RBM27: variants seen among roughly 807,000 people sequenced by gnomAD.
RBM27 encodes the protein RNA binding motif protein 27, also known as RNA-binding protein 27.
RBM27 carries 22 observed loss-of-function variants against 135.3 expected under a neutral mutation model. The observed-to-expected ratio is 0.16, with a 90% CI of 0.12 to 0.23. The LOEUF is 0.23. Among genes scored for constraint, RBM27 ranks in the 10% least tolerant of loss-of-function variants. The pLI, the probability that RBM27 is intolerant of heterozygous loss-of-function variation, is 1.00. For synonymous variants in RBM27, 481 were observed against 442.4 expected, an observed-to-expected ratio of 1.09 and a Z score of -1.10; for missense variants, 1,009 against 1,281.0, an observed-to-expected ratio of 0.79 and a Z score of 3.24.
chr5:146,225,087 T>C (rs903829683), intron 3 of RBM27, among the ~76,000 whole-genome samples: 1 of 152,198 alleles, frequency 6.6e-6, no homozygotes, highest in African/African-American at 2.4e-5. Flanking sequence ...GTTTTATCAA[T>C]TGATCAAGCA....
At position 146,233,614 on chromosome 5, in the gene RBM27, C is replaced by G. The variant is rs1182986450; in HGVS notation, c.1015C>G (p.Pro339Ala). 1.9e-6 allele frequency: 3 copies of G among 1,603,664 alleles called. No homozygotes were observed. The highest frequency in any genetic ancestry group is 1.7e-6 in the Non-Finnish European group (2 of 1,173,560). ...AATGTTAATGCCTCCAATGCCAGGT[C>G]CAGGCCCAGGCCCGGGCCCAGGTCC... Reference protein sequence around the residue: ...PGMLMPPMPGPGPGPGPGPGP... With the variant: ...PGMLMPPMPGAGPGPGPGPGP... Residue 339 changes from proline (P) to alanine (A), a missense_variant, in exon 7 of 21, where the codon CCA becomes GCA. Transcript: ENST00000265271.
intron 1 of RBM27, among the ~76,000 whole-genome samples, chr5:146,213,963 G>A (rs890931251): frequency 1.3e-5 from 2 of 152,166 alleles, no homozygotes; most frequent in Non-Finnish European, 2.9e-5. Context: ...GTTACATTAA[G>A]CTTTAGGAAA....
intron 15 of RBM27, among the ~76,000 whole-genome samples, chr5:146,268,559 C>G (rs1487495828): frequency 2.0e-5 from 3 of 152,008 alleles, no homozygotes; most frequent in Admixed American, 2.0e-4. Flanking sequence ...TCATTTCTAA[C>G]CTATAGCTGC....
At position 146,255,106 on chromosome 5, in the gene RBM27, G is replaced by C. The variant is rs1306249253; in HGVS notation, c.1594+14G>C. The C allele has an allele frequency of 1.9e-6, 3 of 1,603,486 alleles. No homozygotes were observed. In the Admixed American group the frequency reaches 5.1e-5, roughly 27 times the overall value. On this transcript the variant is annotated intron_variant, in intron 10 of 20. Coordinates refer to ENST00000265271, the MANE Select transcript of RBM27 (RefSeq NM_018989.2). Reference sequence around the variant, plus strand: ...TAAATCCAAGAGGTGAGAATACCTTGAACTTTTTCTGATGCTAAGTGTTAT... The same window carrying C: ...TAAATCCAAGAGGTGAGAATACCTTCAACTTTTTCTGATGCTAAGTGTTAT...
chr5:146,257,941 C>T (rs529360746), intron 10 of RBM27, among the ~76,000 whole-genome samples: 4 of 152,178 alleles, frequency 2.6e-5, no homozygotes, highest in African/African-American at 9.6e-5. Flanking sequence ...CTCAGCCTCC[C>T]GAGTAGCTGG....
intron 1 of RBM27, among the ~76,000 whole-genome samples, chr5:146,208,848 T>A (rs956265761): frequency 3.9e-5 from 6 of 152,240 alleles, no homozygotes; most frequent in Non-Finnish European, 7.3e-5. Context: ...TTTATTTATA[T>A]TATATAAAAT....
chr5:146,272,700 C>T (rs1758921194), intron 19 of RBM27, among the ~76,000 whole-genome samples: 1 of 150,720 alleles, frequency 6.6e-6, no homozygotes, highest in Non-Finnish European at 1.5e-5. Context: ...CCAGCCTGGG[C>T]CACAAGAGCG....
At chr5:146,221,656 T>G (rs1756469061) in intron 2 of RBM27, among the ~76,000 whole-genome samples, 1 of 152,182 alleles carries the variant, frequency 6.6e-6, no homozygotes, top group Admixed American at 6.5e-5. Flanking sequence ...GGTCTCAAAC[T>G]CCTGGCCTCA....
At chr5:146,260,547 T>C (rs1758352071) in intron 11 of RBM27, among the ~76,000 whole-genome samples, 198 bp from the exon 12 acceptor site, 1 of 152,220 alleles carries the variant, frequency 6.6e-6, no homozygotes, top group African/African-American at 2.4e-5. Context: ...TGGATGCTTA[T>C]GTATTTTCTG....
At chr5:146,229,299 T>C (rs1756820281) in intron 4 of RBM27, among the ~76,000 whole-genome samples, 1 of 152,212 alleles carries the variant, frequency 6.6e-6, no homozygotes, top group Non-Finnish European at 1.5e-5. Flanking sequence ...ATTAATGAAA[T>C]GTTCCATTTG....
At chr5:146,261,013 T>G in intron 12 of RBM27, 115 bp downstream of exon 12, 1 of 998,058 alleles carries the variant, frequency 1.0e-6, no homozygotes, top group South Asian at 1.7e-5. Flanking sequence ...CTCTGCTAAG[T>G]GCTGTAAATG....
At chr5:146,263,279 G>T (rs1414963685) in intron 13 of RBM27, among the ~76,000 whole-genome samples, 1 of 152,042 alleles carries the variant, frequency 6.6e-6, no homozygotes, top group Non-Finnish European at 1.5e-5. Context: ...ATATTTTGTT[G>T]TGATATGTTT....
At chr5:146,239,818 C>T (rs1757328206) in intron 8 of RBM27, among the ~76,000 whole-genome samples, 1 of 149,484 alleles carries the variant, frequency 6.7e-6, no homozygotes. Context: ...AACTCTGTTC[C>T]CCAGGCTGAA....
intron 8 of RBM27, 115 bp from the exon 9 acceptor site, chr5:146,251,596 A>C (rs769567007): frequency 2.0e-4 from 191 of 974,664 alleles, no homozygotes; most frequent in Non-Finnish European, 2.7e-4. Flanking sequence ...CTGTACTTCT[A>C]TTCCTGTTGG....
chr5:146,258,046 C>G (rs1201985485), intron 10 of RBM27, among the ~76,000 whole-genome samples: 1 of 151,856 alleles, frequency 6.6e-6, no homozygotes, highest in South Asian at 2.1e-4. Flanking sequence ...CTCGAACTCC[C>G]GACCTCAGGT....
chr5:146,277,195 TA>T (rs1392746358), intron 19 of RBM27, among the ~76,000 whole-genome samples: 1 of 152,168 alleles, frequency 6.6e-6, no homozygotes, highest in African/African-American at 2.4e-5. Flanking sequence ...ATACAAATTA[TA>T]AAGGAGAAGG....
At chr5:146,281,169 T>G (rs1463675244) in intron 19 of RBM27, among the ~76,000 whole-genome samples, 1 of 152,108 alleles carries the variant, frequency 6.6e-6, no homozygotes, top group Non-Finnish European at 1.5e-5. Flanking sequence ...TGCCACATTT[T>G]TCTCAATTTT....
At chr5:146,255,299 T>G (rs1039849860) in intron 10 of RBM27, among the ~76,000 whole-genome samples, 29 of 152,208 alleles carry the variant, frequency 1.9e-4, no homozygotes, top group African/African-American at 7.0e-4. Flanking sequence ...TAGGCTATAT[T>G]TGTTTTTAAA....
chr5:146,250,933 C>T (rs1488551661), intron 8 of RBM27, among the ~76,000 whole-genome samples: 5 of 151,824 alleles, frequency 3.3e-5, no homozygotes, highest in Non-Finnish European at 4.4e-5. Context: ...CCCACCACGA[C>T]GCCCAGCTAA....
Sources: gnomAD v4.1 joint callset for allele counts (sites outside exome capture counted in the v4.1 genomes callset) on GRCh38, gnomAD v4.1.1 for gene constraint, MANE v1.5 for transcripts, NCBI Gene and HGNC (gene_info 2026-07-23, HGNC 2026-07-21) for gene names.